The following UQCR11 variants were observed in gnomAD, a reference collection of about 807,000 sequenced individuals.
UQCR11 encodes the protein cytochrome b-c1 complex subunit 10.
In UQCR11, 10 loss-of-function variants were observed where a neutral mutation model predicts 7.6. That is an observed-to-expected ratio of 1.31 (90% CI 0.81 to 2.22). The LOEUF (loss-of-function observed/expected upper bound fraction) is 2.22, where lower values mean the gene tolerates loss of function less well. Among genes scored for constraint, UQCR11 ranks in the 30% most tolerant of loss-of-function variants. UQCR11 has a pLI of 0.00. For missense variants in UQCR11, 86 were observed against 75.1 expected (o/e 1.15, Z -0.54); for synonymous variants, 34 against 34.9 (o/e 0.97, Z 0.09).
chr19:1,599,082 C>T lies in UQCR11; in HGVS notation c.*28+330G>A, dbSNP rs559556929. The T allele has an allele frequency of 1.3e-3, 343 of 263,882 alleles. 2 individuals are homozygous for T. The highest frequency in any genetic ancestry group is 6.9e-3 in the African/African-American group (308 of 44,626). 16.3% of individuals were successfully genotyped at this position (263,882 alleles called of 1,614,324 possible). A position where few individuals can be genotyped will look rare whatever the true frequency, so the allele number is the denominator to read the frequency against. ...CACTGTGGGCCAGCCTCCACCTTCC[C>T]CCTCTGTCTGTAACATGGGCCCCAC... On this transcript the variant is annotated intron_variant, in intron 2 of 2. Coordinates refer to ENST00000591899, the MANE Select transcript of UQCR11 (RefSeq NM_006830.4).
chr19:1,599,886 T>C (rs1158809467), intron 1 of UQCR11, among the ~76,000 whole-genome samples: 1 of 152,238 alleles, frequency 6.6e-6, no homozygotes, highest in Non-Finnish European at 1.5e-5. Flanking sequence ...CTGCAGAAAT[T>C]CATCCATCCC....
intron 1 of UQCR11, chr19:1,602,571 C>T (rs1253380702): frequency 1.3e-5 from 2 of 152,146 alleles, no homozygotes; most frequent in African/African-American, 2.4e-5. Context: ...CTTGTCTCAG[C>T]CTCCCATGAA....
intron 1 of UQCR11, among the ~76,000 whole-genome samples, chr19:1,603,031 G>A (rs768060932): frequency 1.3e-3 from 199 of 152,280 alleles, no homozygotes; most frequent in Non-Finnish European, 1.4e-3. Context: ...GGTGAACTGT[G>A]GCCCTCTCAG....
chr19:1,603,210 C>T (rs1260708892), intron 1 of UQCR11, among the ~76,000 whole-genome samples: 1 of 152,206 alleles, frequency 6.6e-6, no homozygotes, highest in Non-Finnish European at 1.5e-5. Flanking sequence ...CAGCCCCACA[C>T]CACAGGTCTC....
At chr19:1,600,636 T>C (rs1301239626) in intron 1 of UQCR11, among the ~76,000 whole-genome samples, 1 of 151,244 alleles carries the variant, frequency 6.6e-6, no homozygotes, top group African/African-American at 2.4e-5. Context: ...CTTTGGGAGG[T>C]TGAGGCAGGA....
chr19:1,601,572 G>C (rs971197735), intron 1 of UQCR11, among the ~76,000 whole-genome samples: 15 of 147,040 alleles, frequency 1.0e-4, no homozygotes, highest in Non-Finnish European at 1.9e-4. Context: ...TTGTACTCCA[G>C]CCTGGTGACA....
At chr19:1,604,261 T>C (rs916681079) in intron 1 of UQCR11, among the ~76,000 whole-genome samples, 1 of 151,992 alleles carries the variant, frequency 6.6e-6, no homozygotes, top group Non-Finnish European at 1.5e-5. Flanking sequence ...AATTTTTTTG[T>C]AGAGATAAGG....
chr19:1,599,951 C>A (rs566606685), intron 1 of UQCR11, among the ~76,000 whole-genome samples: 4 of 152,380 alleles, frequency 2.6e-5, no homozygotes, highest in South Asian at 4.1e-4. Flanking sequence ...TGTTCCCAGG[C>A]GAGGACACCA....
intron 1 of UQCR11, among the ~76,000 whole-genome samples, chr19:1,601,272 C>T (rs2060746375): frequency 6.6e-6 from 1 of 151,326 alleles, no homozygotes; most frequent in Non-Finnish European, 1.5e-5. Context: ...TATGAAGGGA[C>T]CCATGTGGCA....
At chr19:1,600,169 C>T (rs1225212699) in intron 1 of UQCR11, among the ~76,000 whole-genome samples, 5 of 150,438 alleles carry the variant, frequency 3.3e-5, no homozygotes, top group South Asian at 2.1e-4. Context: ...CGCCTGCTGG[C>T]GTTTACGCCC....
chr19:1,599,593 C>G (rs1281508364), intron 1 of UQCR11, 33 bp from the exon 2 acceptor site: 2 of 1,601,508 alleles, frequency 1.2e-6, no homozygotes, highest in South Asian at 1.1e-5. Context: ...CAGGCCTGCT[C>G]TGGACCCTTT....
At chr19:1,601,130 T>C (rs1338939380) in intron 1 of UQCR11, among the ~76,000 whole-genome samples, 5 of 151,626 alleles carry the variant, frequency 3.3e-5, no homozygotes, top group African/African-American at 9.7e-5. Flanking sequence ...GATTGCACCA[T>C]TGCTCTCTAG....
At chr19:1,604,224 C>T (rs1270678978) in intron 1 of UQCR11, among the ~76,000 whole-genome samples, 1 of 152,146 alleles carries the variant, frequency 6.6e-6, no homozygotes, top group Non-Finnish European at 1.5e-5. Flanking sequence ...GGATTACAGG[C>T]GTGAGTCACT....
Position 1,597,591 on chromosome 19 carries a change from C to T in UQCR11, c.*653G>A, listed in dbSNP as rs1429750335. The T allele has an allele frequency of 5.3e-5, 8 of 152,254 alleles. 1 individual carries two copies. 9.4% of individuals were successfully genotyped at this position (152,254 alleles called of 1,614,324 possible). On this transcript the variant is annotated 3_prime_UTR_variant, in exon 3 of 3. Coordinates refer to ENST00000591899, the MANE Select transcript of UQCR11 (RefSeq NM_006830.4). ...AGGCAGAGGCCATGCCGTGAGGATGCTCAAGCAGCTTCGTGTAGGGGCCCC... is the reference window on the plus strand; with the variant it reads ...AGGCAGAGGCCATGCCGTGAGGATGTTCAAGCAGCTTCGTGTAGGGGCCCC...
intron 1 of UQCR11, among the ~76,000 whole-genome samples, chr19:1,604,306 C>T (rs1193430471): frequency 6.6e-6 from 1 of 151,896 alleles, no homozygotes; most frequent in Non-Finnish European, 1.5e-5. Context: ...CTCAAATTCC[C>T]AGGCTCAAAC....
At chr19:1,601,400 G>A (rs1181943012) in intron 1 of UQCR11, among the ~76,000 whole-genome samples, 1 of 151,482 alleles carries the variant, frequency 6.6e-6, no homozygotes, top group African/African-American at 2.4e-5. Context: ...CAGGAGATAG[G>A]GACCATCCTG....
intron 1 of UQCR11, among the ~76,000 whole-genome samples, chr19:1,600,317 A>C (rs1295551103): frequency 6.7e-6 from 1 of 150,086 alleles, no homozygotes; most frequent in Non-Finnish European, 1.5e-5. Flanking sequence ...GGGTTCAAGC[A>C]ATTCTCCTGC....
chr19:1,601,473 C>T (rs1401360411), intron 1 of UQCR11, among the ~76,000 whole-genome samples: 2 of 149,220 alleles, frequency 1.3e-5, no homozygotes, highest in South Asian at 2.1e-4. Context: ...AGGTGGCGGG[C>T]GCCTGTAGTC....
chr19:1,598,755 G>T (rs1346310588), intron 2 of UQCR11, among the ~76,000 whole-genome samples: 2 of 152,238 alleles, frequency 1.3e-5, no homozygotes, highest in South Asian at 4.1e-4. Flanking sequence ...CTGCGGAAGT[G>T]GCCCAGGACA....
Sources: allele counts gnomAD v4.1 joint callset (sites outside exome capture counted in the v4.1 genomes callset), GRCh38; gene constraint gnomAD v4.1.1; transcripts MANE v1.5; gene names NCBI Gene and HGNC (gene_info 2026-07-23, HGNC 2026-07-21).